Variants in MLLT10 observed in about 807,000 individuals in gnomAD.
MLLT10 encodes the protein protein AF-10.
Under a neutral mutation model 129.1 loss-of-function variants are expected in MLLT10, and 30 were observed. The ratio of observed to expected loss-of-function variants is 0.23; its 90% CI spans 0.17 to 0.32. The LOEUF is 0.32. Among genes scored for constraint, MLLT10 ranks in the 10% least tolerant of loss-of-function variants. MLLT10 has a pLI of 1.00. For missense variants in MLLT10, 1,119 were observed against 1,268.3 expected, an observed-to-expected ratio of 0.88 and a Z score of 1.79; for synonymous variants, 490 against 446.4, an observed-to-expected ratio of 1.10 and a Z score of -1.23.
chr10:21,549,263 A>G (rs1256163892), intron 3 of MLLT10, among the ~76,000 whole-genome samples: 1 of 151,676 alleles, frequency 6.6e-6, no homozygotes, highest in Non-Finnish European at 1.5e-5. Context: ...AGCTGGGATT[A>G]TAGGCATGTG....
intron 5 of MLLT10, among the ~76,000 whole-genome samples, chr10:21,608,022 CT>C (rs946804509): frequency 8.5e-5 from 12 of 141,502 alleles, no homozygotes; most frequent in East Asian, 4.2e-4. Flanking sequence ...TTTTTTTCTT[CT>C]TTTTTTTTGG....
At position 21,735,567 on chromosome 10, in the gene MLLT10, C is replaced by CAAAG. The variant is rs2058297002; in HGVS notation, c.2955+335_2955+338dup. ...TGGTTGTGATAAATACTGAGAAGAACAAAGAAGTGGAATAAGTGGGGAAGA... is the reference window on the plus strand; with the variant it reads ...TGGTTGTGATAAATACTGAGAAGAACAAAGAAAGAAGTGGAATAAGTGGGGAAGA... On this transcript the variant is annotated intron_variant, in intron 21 of 22. Coordinates refer to ENST00000307729, the MANE Select transcript of MLLT10 (RefSeq NM_001195626.3). Among the ~76,000 whole-genome samples, 3 of 152,124 alleles carry CAAAG rather than the reference C, an allele frequency of 2.0e-5. No individual in the cohort carries two copies. In the South Asian group the frequency reaches 6.2e-4, roughly 32 times the overall value.
chr10:21,584,533 C>T (rs1307474234), intron 3 of MLLT10, among the ~76,000 whole-genome samples: 1 of 151,826 alleles, frequency 6.6e-6, no homozygotes, highest in Non-Finnish European at 1.5e-5. Flanking sequence ...AGGCTGGTCT[C>T]GAACTCCTGA....
intron 8 of MLLT10, among the ~76,000 whole-genome samples, chr10:21,636,110 G>T (rs1239395724): frequency 6.6e-6 from 1 of 151,662 alleles, no homozygotes; most frequent in African/African-American, 2.4e-5. Flanking sequence ...TCTGTCTTTT[G>T]CATGGGTTTT....
chr10:21,651,799 G>A, intron 9 of MLLT10, 31 bp downstream of exon 9: 4 of 1,400,040 alleles, frequency 2.9e-6, no homozygotes, highest in Admixed American at 1.8e-5. Flanking sequence ...TTTGTTTTAT[G>A]TAATAAGTAG....
intron 16 of MLLT10, 80 bp from the exon 17 acceptor site, chr10:21,730,820 A>T (rs1290219920): frequency 6.0e-6 from 9 of 1,498,400 alleles, no homozygotes; most frequent in African/African-American, 1.4e-5. Context: ...TACAGGAGAA[A>T]AGGGGTCAGC....
At chr10:21,619,025 GACAT>G (rs1295208026) in intron 8 of MLLT10, among the ~76,000 whole-genome samples, 31 of 100,620 alleles carry the variant, frequency 3.1e-4, no homozygotes, top group African/African-American at 1.0e-3. Context: ...CGTGCCTGGT[GACAT>G]ACACACACAC....
chr10:21,551,724 G>A (rs1004921334), intron 3 of MLLT10: 14 of 362,082 alleles, frequency 3.9e-5, no homozygotes, highest in Non-Finnish European at 5.2e-5. Flanking sequence ...CTAGCATATG[G>A]TATCTGTTTA....
intron 3 of MLLT10, among the ~76,000 whole-genome samples, chr10:21,544,583 A>G (rs1366233251): frequency 2.6e-5 from 4 of 152,226 alleles, no homozygotes; most frequent in Non-Finnish European, 5.9e-5. Flanking sequence ...AGGGAAGGTT[A>G]GAGATGGACT....
intron 13 of MLLT10, among the ~76,000 whole-genome samples, chr10:21,689,089 TGTGA>T (rs555870004): frequency 6.2e-4 from 95 of 152,254 alleles, no homozygotes; most frequent in African/African-American, 2.2e-3. Flanking sequence ...TTTTATAGGC[TGTGA>T]GTATCTTCAA....
chr10:21,666,105 T>C (rs1438882937), intron 9 of MLLT10, among the ~76,000 whole-genome samples: 1 of 152,210 alleles, frequency 6.6e-6, no homozygotes, highest in Non-Finnish European at 1.5e-5. Flanking sequence ...ATTGAACTTT[T>C]TTTATGATTC....
At position 21,682,208 on chromosome 10, in the gene MLLT10, T is replaced by C. The variant is rs2052810223; in HGVS notation, c.1667-17T>C. On this transcript the variant is annotated splice_polypyrimidine_tract_variant and intron_variant, in intron 12 of 22. Transcript: ENST00000307729. Reference sequence around the variant, plus strand: ...AGAATGATCTTAACCTGAAGTCCTTTTTTCCTTACTTAAAAGCGTTCTCAG... The same window carrying C: ...AGAATGATCTTAACCTGAAGTCCTTCTTTCCTTACTTAAAAGCGTTCTCAG... 1.2e-6 allele frequency: 2 copies of C among 1,607,462 alleles called. No homozygotes were observed. Among genetic ancestry groups the C allele is most frequent in the East Asian group, 4.5e-5 (2 of 44,522 alleles).
intron 8 of MLLT10, among the ~76,000 whole-genome samples, chr10:21,628,204 C>T (rs2046641823): frequency 6.6e-6 from 1 of 152,154 alleles, no homozygotes. Context: ...GAACATCCGT[C>T]TCCTGGTAAC....
rs759876619 is a variant in MLLT10, at chr10:21,534,253, G to C, written c.-268G>C. On this transcript the variant is annotated 5_prime_UTR_variant, in exon 1 of 23. Coordinates refer to ENST00000307729, the MANE Select transcript of MLLT10 (RefSeq NM_001195626.3). ...GGGCGCGCACGCCAAGTGACGCTCC[G>C]AGGAGGAAGCGCAGCCCCCTTCCCC... 1.7e-4 allele frequency: 66 copies of C among 398,570 alleles called. No individual in the cohort carries two copies. The highest frequency in any genetic ancestry group is 1.2e-3 in the Middle Eastern group (2 of 1,606). The allele number at this position is 398,570 out of a possible 1,614,324, so 24.7% of individuals were successfully genotyped here. A position where few individuals can be genotyped will look rare whatever the true frequency, so the allele number is the denominator to read the frequency against.
chr10:21,582,034 A>G (rs995758067), intron 3 of MLLT10, among the ~76,000 whole-genome samples: 19 of 152,126 alleles, frequency 1.2e-4, no homozygotes, highest in African/African-American at 4.3e-4. Flanking sequence ...CCACCACTGT[A>G]TATGTGGTTG....
chr10:21,641,948 A>T (rs1231115670), intron 8 of MLLT10, among the ~76,000 whole-genome samples: 1 of 152,208 alleles, frequency 6.6e-6, no homozygotes, highest in African/African-American at 2.4e-5. Context: ...TGGCTTTTGC[A>T]GTCATGGTTG....
intron 11 of MLLT10, among the ~76,000 whole-genome samples, chr10:21,674,548 A>G (rs2051871016): frequency 6.6e-6 from 1 of 152,158 alleles, no homozygotes; most frequent in Admixed American, 6.5e-5. Context: ...GTTGATATAC[A>G]TTGTTATTCA....
intron 9 of MLLT10, among the ~76,000 whole-genome samples, chr10:21,664,990 G>A (rs1490469329): frequency 1.5e-5 from 2 of 137,008 alleles, no homozygotes; most frequent in Non-Finnish European, 3.1e-5. Flanking sequence ...CTGTCACCCC[G>A]GCTGGAGTGC....
In MLLT10 at chr10:21,567,688, G is replaced by A. The variant is rs2039742032; in HGVS notation, c.241-18606G>A. Among the ~76,000 whole-genome samples the A allele has an allele frequency of 2.0e-5, 3 of 152,072 alleles. No individual in the cohort carries two copies. In the South Asian group the frequency reaches 6.2e-4, roughly 31 times the overall value. ...TAGGTTCCCCATGTGATCATTGCTG[G>A]TATGGGTGGGGCTAGGTTTTCTATG... On this transcript the variant is annotated intron_variant, in intron 3 of 22. Coordinates refer to ENST00000307729, the MANE Select transcript of MLLT10 (RefSeq NM_001195626.3).
Sources: allele counts gnomAD v4.1 joint callset (sites outside exome capture counted in the v4.1 genomes callset), GRCh38; gene constraint gnomAD v4.1.1; transcripts MANE v1.5; gene names NCBI Gene and HGNC (gene_info 2026-07-23, HGNC 2026-07-21).